The following GMDS variants were observed in gnomAD, a reference collection of about 807,000 sequenced individuals.
The protein encoded by GMDS is GDP-mannose 4,6-dehydratase, also known as GDP-mannose 4,6 dehydratase.
Under a neutral mutation model 49.9 loss-of-function variants are expected in GMDS, and 20 were observed. That is an observed-to-expected ratio of 0.40 (90% CI 0.28 to 0.58). The LOEUF is 0.58. Among genes scored for constraint, GMDS ranks in the 20% least tolerant of loss-of-function variants. The pLI is 0.42. For synonymous variants in GMDS, 177 were observed against 178.6 expected, an observed-to-expected ratio of 0.99 and a Z score of 0.07; for missense variants, 362 against 481.4, an observed-to-expected ratio of 0.75 and a Z score of 2.32.
At chr6:1,794,319 A>C (rs1769654689) in intron 7 of GMDS, among the ~76,000 whole-genome samples, 1 of 146,108 alleles carries the variant, frequency 6.8e-6, no homozygotes, top group African/African-American at 2.8e-5. Flanking sequence ...ACTGAGGCAA[A>C]AAAAAAAATA....
intron 1 of GMDS, among the ~76,000 whole-genome samples, chr6:2,128,457 G>A (rs1216051353): frequency 2.6e-5 from 4 of 152,146 alleles, no homozygotes; most frequent in South Asian, 4.1e-4. Flanking sequence ...TTATAGGTGT[G>A]AGCCACCCAT....
chr6:1,900,566 A>C (rs1157992213), intron 7 of GMDS, among the ~76,000 whole-genome samples: 1 of 152,232 alleles, frequency 6.6e-6, no homozygotes, highest in African/African-American at 2.4e-5. Flanking sequence ...CAAATTAAAA[A>C]GTACACATAT....
At chr6:1,629,069 C>T (rs1762923086) in intron 9 of GMDS, among the ~76,000 whole-genome samples, 1 of 152,222 alleles carries the variant, frequency 6.6e-6, no homozygotes, top group African/African-American at 2.4e-5. Context: ...TCTCAAGTCT[C>T]ACAGAGTATC....
chr6:2,057,559 A>G (rs1770852333), intron 4 of GMDS, among the ~76,000 whole-genome samples: 1 of 152,162 alleles, frequency 6.6e-6, no homozygotes, highest in Admixed American at 6.5e-5. Flanking sequence ...AATTCCACCA[A>G]TATCTATTCT....
intron 4 of GMDS, among the ~76,000 whole-genome samples, chr6:2,043,917 C>T (rs1769840081): frequency 6.6e-6 from 1 of 151,794 alleles, no homozygotes; most frequent in Non-Finnish European, 1.5e-5. Context: ...CATGAACAGA[C>T]ACTTTATAAA....
chr6:1,693,962 C>T (rs890517158), intron 9 of GMDS, among the ~76,000 whole-genome samples: 28 of 152,070 alleles, frequency 1.8e-4, no homozygotes, highest in African/African-American at 6.5e-4. Flanking sequence ...AAATAACTTG[C>T]CCAAGGTTAT....
intron 4 of GMDS, among the ~76,000 whole-genome samples, chr6:2,029,387 C>A (rs951669126): frequency 6.6e-6 from 1 of 152,192 alleles, no homozygotes; most frequent in Admixed American, 6.6e-5. Context: ...TTCTCACCAC[C>A]TATCAGTAAT....
At chr6:1,628,994 G>C (rs1267847500) in intron 9 of GMDS, among the ~76,000 whole-genome samples, 1 of 152,084 alleles carries the variant, frequency 6.6e-6, no homozygotes, top group Non-Finnish European at 1.5e-5. Context: ...TTGACTCTTG[G>C]GGCAATGTTT....
At chr6:1,804,827 T>C (rs1006781792) in intron 7 of GMDS, among the ~76,000 whole-genome samples, 1 of 152,182 alleles carries the variant, frequency 6.6e-6, no homozygotes, top group Non-Finnish European at 1.5e-5. Context: ...TATATTACCC[T>C]TAATATTTTT....
chr6:1,706,870 C>T (rs1011374316), intron 9 of GMDS, among the ~76,000 whole-genome samples: 18 of 152,222 alleles, frequency 1.2e-4, no homozygotes, highest in Non-Finnish European at 2.6e-4. Flanking sequence ...AAGGACTGTG[C>T]TCAGTTATCC....
intron 4 of GMDS, among the ~76,000 whole-genome samples, chr6:2,060,935 G>A (rs990939255): frequency 6.6e-6 from 1 of 151,794 alleles, no homozygotes; most frequent in Non-Finnish European, 1.5e-5. Context: ...CAGGAGAATC[G>A]CTTGAACCTG....
chr6:1,693,584 G>T (rs1342396065), intron 9 of GMDS, among the ~76,000 whole-genome samples: 57 of 152,088 alleles, frequency 3.7e-4, no homozygotes, highest in Admixed American at 2.9e-3. Flanking sequence ...ATATATTTTT[G>T]TTGTTGTTGT....
At chr6:1,882,718 T>G (rs1424320209) in intron 7 of GMDS, among the ~76,000 whole-genome samples, 1 of 152,240 alleles carries the variant, frequency 6.6e-6, no homozygotes, top group Non-Finnish European at 1.5e-5. Context: ...TAAGCACTAA[T>G]GTGGCCACAG....
chr6:2,200,034 T>G (rs553893960), intron 1 of GMDS, among the ~76,000 whole-genome samples: 1 of 152,218 alleles, frequency 6.6e-6, no homozygotes, highest in Non-Finnish European at 1.5e-5. Context: ...TGGAAATCTC[T>G]GCCTTGTACA....
intron 9 of GMDS, among the ~76,000 whole-genome samples, chr6:1,632,239 A>G (rs555337413): frequency 2.0e-5 from 3 of 152,370 alleles, no homozygotes; most frequent in Non-Finnish European, 4.4e-5. Context: ...CACTTTACAC[A>G]CATTAATTTG....
At chr6:1,821,479 A>T (rs991774947) in intron 7 of GMDS, among the ~76,000 whole-genome samples, 3 of 152,086 alleles carry the variant, frequency 2.0e-5, no homozygotes, top group Non-Finnish European at 4.4e-5. Flanking sequence ...TTGGTAATAA[A>T]AATGCAGTTT....
intron 7 of GMDS, among the ~76,000 whole-genome samples, chr6:1,844,040 A>C (rs1757272233): frequency 6.6e-6 from 1 of 152,202 alleles, no homozygotes; most frequent in African/African-American, 2.4e-5. Context: ...GGATATAAGT[A>C]ATCACAATAG....
At chr6:2,108,538 G>A (rs1774367398) in intron 4 of GMDS, among the ~76,000 whole-genome samples, 1 of 152,054 alleles carries the variant, frequency 6.6e-6, no homozygotes, top group Non-Finnish European at 1.5e-5. Context: ...TGAATTTGGG[G>A]ATCTTCTAGC....
intron 9 of GMDS, among the ~76,000 whole-genome samples, chr6:1,671,618 T>C (rs1002190570): frequency 6.6e-6 from 1 of 152,000 alleles, no homozygotes; most frequent in East Asian, 1.9e-4. Flanking sequence ...GTATAAGATA[T>C]TAAGGTTGGT....
Sources: gnomAD v4.1 joint callset for allele counts (sites outside exome capture counted in the v4.1 genomes callset) on GRCh38, gnomAD v4.1.1 for gene constraint, MANE v1.5 for transcripts, NCBI Gene and HGNC (gene_info 2026-07-23, HGNC 2026-07-21) for gene names.